LIN54: variants seen among roughly 807,000 people sequenced by gnomAD.
LIN54 encodes the protein protein lin-54 homolog.
In LIN54, 9 loss-of-function variants were observed where a neutral mutation model predicts 78.7. The ratio of observed to expected loss-of-function variants is 0.11; its 90% CI spans 0.07 to 0.20. LIN54 has a LOEUF of 0.20. Ranked by LOEUF, LIN54 falls within the 10% of genes least tolerant of loss-of-function variation. The pLI, the probability that LIN54 is intolerant of heterozygous loss-of-function variation, is 1.00. For synonymous variants in LIN54, 269 were observed against 318.4 expected (o/e 0.84, Z 1.65); for missense variants, 573 against 889.9 (o/e 0.64, Z 4.53).
Position 83,002,367 on chromosome 4 carries a change from T to TA in LIN54, c.-33+8116dup, listed in dbSNP as rs1312619629. Among the ~76,000 whole-genome samples the TA allele has an allele frequency of 5.5e-4, 59 of 107,444 alleles. 1 individual carries two copies. Among genetic ancestry groups the TA allele is most frequent in the African/African-American group, 4.8e-4 (13 of 26,828 alleles). The allele number at this position is 107,444 out of a possible 152,430, so 70.5% of individuals were successfully genotyped here. On this transcript the variant is annotated intron_variant, in intron 1 of 12. Transcript: ENST00000340417. The stretch of plus-strand genomic sequence containing the variant: ...CAGCAACATAGCGAGACCTCACCTC[T>TA]AAAAAAAAAGCAAGGGTGAGGGAGG...
At chr4:82,995,485 A>ATTTTTTTTTTT (rs1553958258) in intron 1 of LIN54, among the ~76,000 whole-genome samples, 1 of 95,046 alleles carries the variant, frequency 1.1e-5, no homozygotes, top group African/African-American at 4.3e-5. Context: ...ACACATCCTT[A>ATTTTTTTTTTT]TCTCTTTTTT....
At chr4:82,942,868 A>T (rs1041776444) in intron 5 of LIN54, among the ~76,000 whole-genome samples, 1 of 41,534 alleles carries the variant, frequency 2.4e-5, no homozygotes, top group East Asian at 3.7e-3. Context: ...GCGCACACAC[A>T]CACACACACA....
rs1198400044 is a variant in LIN54 at position 82,927,879 on chromosome 4, TAAAG to T, written c.*219_*222del. ...CAAGCAAATTAAAAAATCTATATAA[TAAAG>T]AAAAATTCAATTTAGAAGGGGCATA... On this transcript the variant is annotated 3_prime_UTR_variant, in exon 13 of 13. Coordinates refer to ENST00000340417, the MANE Select transcript of LIN54 (RefSeq NM_194282.4). The T allele has an allele frequency of 3.5e-5, 16 of 459,422 alleles. No homozygotes were observed. Among genetic ancestry groups the T allele is most frequent in the East Asian group, 1.7e-4 (5 of 29,896 alleles). The allele number at this position is 459,422 out of a possible 1,614,324, so 28.5% of individuals were successfully genotyped here. A position where few individuals can be genotyped will look rare whatever the true frequency, so the allele number is the denominator to read the frequency against.
At chr4:82,973,758 T>C (rs995739216) in intron 3 of LIN54, among the ~76,000 whole-genome samples, 2 of 152,144 alleles carry the variant, frequency 1.3e-5, no homozygotes, top group Non-Finnish European at 2.9e-5. Context: ...TAAACTAAGA[T>C]GAACAAAATA....
Position 82,936,397 on chromosome 4 carries a change from C to A in LIN54, c.1605-16G>T. On this transcript the variant is annotated splice_polypyrimidine_tract_variant and intron_variant, in intron 9 of 12. Transcript: ENST00000340417. ...ATCACAATACCTGAAAGGTAAAAGT[C>A]AGTATAAGGTAAAAAGTCATTATTA... The A allele has an allele frequency of 1.4e-6, 2 of 1,401,582 alleles. No homozygotes were observed. The highest frequency in any genetic ancestry group is 2.5e-5 in the South Asian group (2 of 80,270). 86.8% of individuals were successfully genotyped at this position (1,401,582 alleles called of 1,614,324 possible).
chr4:83,008,800 G>A (rs1399037662), intron 1 of LIN54, among the ~76,000 whole-genome samples: 1 of 152,128 alleles, frequency 6.6e-6, no homozygotes, highest in Non-Finnish European at 1.5e-5. Context: ...ATACACAATT[G>A]TTCTAACCAG....
chr4:82,997,417 G>C (rs551456930), intron 1 of LIN54, among the ~76,000 whole-genome samples: 14 of 152,006 alleles, frequency 9.2e-5, no homozygotes, highest in Middle Eastern at 3.4e-3. Context: ...AATCTACAAG[G>C]TTCTATTAGT....
At chr4:82,960,637 T>A (rs1724709936) in intron 4 of LIN54, among the ~76,000 whole-genome samples, 1 of 152,142 alleles carries the variant, frequency 6.6e-6, no homozygotes, top group Non-Finnish European at 1.5e-5. Context: ...TCTCATCATG[T>A]TCCCAGGCTG....
chr4:82,969,069 TAAAG>T (rs149873525), intron 4 of LIN54, among the ~76,000 whole-genome samples: 67 of 152,254 alleles, frequency 4.4e-4, no homozygotes, highest in African/African-American at 1.5e-3. Flanking sequence ...CCCCTGAAGA[TAAAG>T]AAACCGTCCA....
intron 1 of LIN54, among the ~76,000 whole-genome samples, chr4:82,991,749 TC>T (rs1727733134): frequency 6.6e-6 from 1 of 152,180 alleles, no homozygotes; most frequent in African/African-American, 2.4e-5. Flanking sequence ...AGTGAGAAAA[TC>T]GTATGGCTTT....
intron 1 of LIN54, among the ~76,000 whole-genome samples, chr4:82,999,876 T>C (rs1728607613): frequency 6.6e-6 from 1 of 151,140 alleles, no homozygotes; most frequent in South Asian, 2.1e-4. Context: ...AGAATGGATA[T>C]CTGCCCAAAC....
intron 1 of LIN54, among the ~76,000 whole-genome samples, chr4:82,988,310 A>C (rs112010391): frequency 0.02 from 3,050 of 152,240 alleles, 104 homozygotes; most frequent in African/African-American, 0.069. Flanking sequence ...TTTTTCTCTC[A>C]GCATGCTTTT....
intron 4 of LIN54, among the ~76,000 whole-genome samples, chr4:82,958,144 T>C (rs1724492231): frequency 6.6e-6 from 1 of 151,960 alleles, no homozygotes; most frequent in Non-Finnish European, 1.5e-5. Context: ...AATGGAAGAG[T>C]GTCTCTTTGT....
At chr4:82,983,171 C>T (rs544896514) in intron 2 of LIN54, among the ~76,000 whole-genome samples, 67 of 152,148 alleles carry the variant, frequency 4.4e-4, no homozygotes, top group African/African-American at 1.5e-3. Context: ...CCATGCCTGG[C>T]TAATTTTTTG....
intron 4 of LIN54, among the ~76,000 whole-genome samples, chr4:82,958,676 A>T (rs140254343): frequency 2.8e-3 from 430 of 152,194 alleles, no homozygotes; most frequent in African/African-American, 9.4e-3. Context: ...TAATTTTTTT[A>T]AATTTATTTT....
At chr4:82,980,460 A>C (rs1465009959) in intron 2 of LIN54, among the ~76,000 whole-genome samples, 2 of 152,196 alleles carry the variant, frequency 1.3e-5, no homozygotes, top group African/African-American at 2.4e-5. Flanking sequence ...TTTGTGCTCA[A>C]ATTATAAATT....
intron 1 of LIN54, among the ~76,000 whole-genome samples, chr4:82,997,577 T>C (rs1046786766): frequency 6.6e-6 from 1 of 152,168 alleles, no homozygotes; most frequent in East Asian, 1.9e-4. Flanking sequence ...ATCACAGTTA[T>C]ATTTTGGGAG....
rs557265373 is a variant in LIN54 at position 82,950,305 on chromosome 4, A to G, written c.952-3831T>C. Among the ~76,000 whole-genome samples, 10 of 152,304 alleles carry G rather than the reference A, an allele frequency of 6.6e-5. No individual in the cohort carries two copies. The South Asian group carries it at 2.1e-3, about 32-fold the overall frequency. On this transcript the variant is annotated intron_variant, in intron 4 of 12. Coordinates refer to ENST00000340417, the MANE Select transcript of LIN54 (RefSeq NM_194282.4). ...CTTCCATCACCCCAATCTCCCTTGC[A>G]CTATGCTTTATAGTAACACTCTCTC...
chr4:82,947,233 A>T (rs866830890), intron 4 of LIN54, among the ~76,000 whole-genome samples: 2,374 of 16,722 alleles, frequency 0.14, 124 homozygotes, highest in African/African-American at 0.26. Flanking sequence ...ATATATATAT[A>T]TATTTTTTTT....
Sources: gnomAD v4.1 joint callset for allele counts (sites outside exome capture counted in the v4.1 genomes callset) on GRCh38, gnomAD v4.1.1 for gene constraint, MANE v1.5 for transcripts, NCBI Gene and HGNC (gene_info 2026-07-23, HGNC 2026-07-21) for gene names.